The following ARHGEF12 variants were observed in gnomAD, a reference collection of about 807,000 sequenced individuals.
ARHGEF12 encodes the protein KMT2A/ARHGEF12 fusion protein.
In ARHGEF12, 66 loss-of-function variants were observed where a neutral mutation model predicts 211.2. The ratio of observed to expected loss-of-function variants is 0.31; its 90% confidence interval spans 0.26 to 0.38. The LOEUF is 0.38. Ranked by LOEUF, ARHGEF12 falls within the 10% of genes least tolerant of loss-of-function variation. The probability of loss-of-function intolerance (pLI) is 1.00; values close to 1 mark genes in which losing one functional copy is unlikely to be tolerated. For missense variants in ARHGEF12, 1,429 were observed against 1,869.5 expected (o/e 0.76, Z 4.34); for synonymous variants, 592 against 638.4 (o/e 0.93, Z 1.09).
chr11:120,441,257 A>T (rs1945859386), intron 13 of ARHGEF12, among the ~76,000 whole-genome samples: 1 of 152,164 alleles, frequency 6.6e-6, no homozygotes, highest in Admixed American at 6.5e-5. Context: ...TTCTGTGTTC[A>T]GTATATTTAG....
intron 1 of ARHGEF12, among the ~76,000 whole-genome samples, chr11:120,347,149 TTCCTTCCTTCCTTCCTTCCTTC>T (rs1942765008): frequency 3.8e-3 from 179 of 47,076 alleles, no homozygotes; most frequent in South Asian, 5.4e-3. Context: ...CCTTCCTTCC[TTCCTTCCTTCCTTCCTTCCTTC>T]CTTCCTTCCT....
intron 1 of ARHGEF12, among the ~76,000 whole-genome samples, chr11:120,342,396 A>G (rs1161930297): frequency 1.3e-5 from 2 of 152,144 alleles, no homozygotes; most frequent in African/African-American, 4.8e-5. Flanking sequence ...TGTTACTTGT[A>G]TGTACTTGCT....
At chr11:120,453,212 G>C (rs1946264867) in intron 22 of ARHGEF12, among the ~76,000 whole-genome samples, 1 of 152,140 alleles carries the variant, frequency 6.6e-6, no homozygotes, top group Non-Finnish European at 1.5e-5. Context: ...GTGACATTTG[G>C]AGAAAATTCT....
intron 39 of ARHGEF12, 106 bp downstream of exon 39, chr11:120,481,682 T>C: frequency 8.9e-7 from 1 of 1,123,332 alleles, no homozygotes; most frequent in Non-Finnish European, 1.3e-6. Context: ...GTTCAGGTTC[T>C]AGATTTCTTT....
chr11:120,336,493 G>A lies in ARHGEF12; in HGVS notation c.-751G>A, dbSNP rs1009881398. ...CCAGGGCTTCCAGGCCGGGCCGGAC[G>A]GGCATCTCCCGCCCCTCGCGGGGAG... On this transcript the variant is annotated 5_prime_UTR_variant, in exon 1 of 41. Coordinates refer to ENST00000397843, the MANE Select transcript of ARHGEF12 (RefSeq NM_015313.3). Among the ~76,000 whole-genome samples, 2 of 151,898 alleles carry A rather than the reference G, an allele frequency of 1.3e-5. No individual in the cohort carries two copies. The highest frequency in any genetic ancestry group is 2.9e-5 in the Non-Finnish European group (2 of 67,904).
chr11:120,413,700 A>T (rs1850560522), intron 4 of ARHGEF12, among the ~76,000 whole-genome samples: 1 of 152,196 alleles, frequency 6.6e-6, no homozygotes, highest in Non-Finnish European at 1.5e-5. Context: ...CTTACTCATA[A>T]AACATGTATG....
rs372341910 is a variant in ARHGEF12 at position 120,392,360 on chromosome 11, C to T, written c.33-13758C>T. 6.1e-4 allele frequency among the ~76,000 whole-genome samples: 92 copies of T among 152,034 alleles called. No individual in the cohort carries two copies. In the South Asian group the frequency reaches 0.019, roughly 31 times the overall value. On this transcript the variant is annotated intron_variant, in intron 1 of 40. Transcript: ENST00000397843. ...AATATCTTTTTTTAATAGCACTTAC[C>T]ACGATTTGAAATTCTTTGGTACAAT...
In ARHGEF12 at chr11:120,442,139, C is replaced by T; in HGVS notation, c.1239C>T (p.Thr413=). 1 of 1,610,498 alleles carries T rather than the reference C, an allele frequency of 6.2e-7. No homozygotes were observed. The highest frequency in any genetic ancestry group is 8.5e-7 in the Non-Finnish European group (1 of 1,179,200). The change falls in exon 15 of 41, where the codon ACC becomes ACT. Residue 413 remains threonine (T), a synonymous_variant. Transcript: ENST00000397843. ...TCTATTCAGACCTGTATAAACATAC[C>T]AATTCCAAAGAAACTCGTCGCATCT... ...CYLYSDLYKH[T]NSKETRRIFL...
At chr11:120,431,673 C>T (rs992399207) in intron 10 of ARHGEF12, 98 bp from the exon 11 acceptor site, 2 of 1,296,670 alleles carry the variant, frequency 1.5e-6, no homozygotes, top group Admixed American at 6.5e-5. Context: ...TTAGTAGTCT[C>T]CATGTAGATT....
At chr11:120,442,443 C>T (rs1945902986) in intron 15 of ARHGEF12, among the ~76,000 whole-genome samples, 1 of 144,770 alleles carries the variant, frequency 6.9e-6, no homozygotes, top group African/African-American at 2.6e-5. Flanking sequence ...CACACACACA[C>T]ACACACACAC....
intron 38 of ARHGEF12, among the ~76,000 whole-genome samples, chr11:120,480,682 G>C (rs1947206959): frequency 6.6e-6 from 1 of 152,130 alleles, no homozygotes; most frequent in Admixed American, 6.6e-5. Context: ...GGGAAAGAAG[G>C]ATGGTAAATA....
In ARHGEF12 at chr11:120,374,682, T is replaced by C. The variant is rs75294534; in HGVS notation, c.33-31436T>C. ...AGAATTGACCTCGTGAATTTTAGTT[T>C]AATGATCTCAGTTCTCATGAACTTG... is the stretch of plus-strand genomic sequence containing the variant. On this transcript the variant is annotated intron_variant, in intron 1 of 40. Coordinates refer to ENST00000397843, the MANE Select transcript of ARHGEF12 (RefSeq NM_015313.3). 8.9e-3 allele frequency among the ~76,000 whole-genome samples: 1,354 copies of C among 152,324 alleles called. 90 individuals carry two copies. The South Asian group carries it at 0.16, about 18-fold the overall frequency.
intron 39 of ARHGEF12, among the ~76,000 whole-genome samples, chr11:120,483,582 C>A (rs1194858138): frequency 6.6e-6 from 1 of 151,814 alleles, no homozygotes; most frequent in East Asian, 1.9e-4. Context: ...CGCCACCACA[C>A]CCAGCTAATT....
At chr11:120,416,284 T>C (rs191476563) in intron 4 of ARHGEF12, among the ~76,000 whole-genome samples, 3 of 152,304 alleles carry the variant, frequency 2.0e-5, no homozygotes, top group African/African-American at 7.2e-5. Flanking sequence ...TAAGTTTCCT[T>C]CTGTCCCAGA....
intron 34 of ARHGEF12, 149 bp downstream of exon 34, chr11:120,476,897 CT>C: frequency 1.6e-6 from 1 of 628,776 alleles, no homozygotes; most frequent in Non-Finnish European, 2.7e-6. Flanking sequence ...TGAACTTGTT[CT>C]TTTTTAGGTT....
At chr11:120,339,005 CTTTTTTTTTT>C (rs906260027) in intron 1 of ARHGEF12, among the ~76,000 whole-genome samples, 1 of 121,998 alleles carries the variant, frequency 8.2e-6, no homozygotes, top group Non-Finnish European at 1.7e-5. Context: ...TTTTCTTTTT[CTTTTTTTTTT>C]TTTTTTTTGG....
chr11:120,347,274 G>A (rs1312329486), intron 1 of ARHGEF12, among the ~76,000 whole-genome samples: 1 of 90,018 alleles, frequency 1.1e-5, no homozygotes, highest in African/African-American at 5.1e-5. Flanking sequence ...CTCTGTCTGT[G>A]TGTGTGTGTG....
chr11:120,423,098 G>T (rs1330823525), intron 6 of ARHGEF12, among the ~76,000 whole-genome samples: 3 of 152,072 alleles, frequency 2.0e-5, no homozygotes, highest in East Asian at 1.9e-4. Context: ...AATGGGCAAA[G>T]AATTTTATCA....
chr11:120,342,765 G>T (rs185895872), intron 1 of ARHGEF12, among the ~76,000 whole-genome samples: 414 of 152,164 alleles, frequency 2.7e-3, no homozygotes, highest in Non-Finnish European at 5.0e-3. Flanking sequence ...TGTTCTAAAA[G>T]GCTTTTTTAC....
Sources: gnomAD v4.1 joint callset for allele counts (sites outside exome capture counted in the v4.1 genomes callset) on GRCh38, gnomAD v4.1.1 for gene constraint, MANE v1.5 for transcripts, NCBI Gene and HGNC (gene_info 2026-07-23, HGNC 2026-07-21) for gene names.